Variants in VTCN1 observed in about 807,000 individuals in gnomAD.
VTCN1 encodes the protein V-set domain containing T cell activation inhibitor 1, also known as V-set domain-containing T-cell activation inhibitor 1.
In VTCN1, 26 loss-of-function variants were observed where a neutral mutation model predicts 26.5. The observed-to-expected ratio is 0.98, with a 90% CI of 0.72 to 1.36. VTCN1 has a LOEUF of 1.36. Ranked by LOEUF, VTCN1 falls within the 40% of genes most tolerant of loss-of-function variation. VTCN1 has a pLI of 0.00. For missense variants in VTCN1, 298 were observed against 337.7 expected (o/e 0.88, Z 0.92); for synonymous variants, 116 against 130.7 (o/e 0.89, Z 0.77).
At chr1:117,180,745 A>G (rs888254606) in intron 1 of VTCN1, among the ~76,000 whole-genome samples, 1 of 151,636 alleles carries the variant, frequency 6.6e-6, no homozygotes, top group Non-Finnish European at 1.5e-5. Flanking sequence ...CTGTCCATTC[A>G]CCAACTCCTC....
intron 1 of VTCN1, among the ~76,000 whole-genome samples, chr1:117,198,597 C>G (rs546866368): frequency 1.3e-5 from 2 of 152,284 alleles, no homozygotes; most frequent in African/African-American, 4.8e-5. Context: ...GCATAAGCAA[C>G]CCAGGGCTGC....
intron 1 of VTCN1, among the ~76,000 whole-genome samples, chr1:117,189,943 C>A (rs1331383158): frequency 6.6e-6 from 1 of 152,176 alleles, no homozygotes; most frequent in Non-Finnish European, 1.5e-5. Flanking sequence ...GCAGACTCAC[C>A]CACCACAAGC....
intron 1 of VTCN1, among the ~76,000 whole-genome samples, chr1:117,176,577 C>A (rs963279456): frequency 6.6e-6 from 1 of 152,292 alleles, no homozygotes; most frequent in Non-Finnish European, 1.5e-5. Context: ...CTGGGAGATA[C>A]CACATTCCTT....
chr1:117,151,446 A>G (rs1000920562), intron 4 of VTCN1, among the ~76,000 whole-genome samples: 1 of 152,204 alleles, frequency 6.6e-6, no homozygotes, highest in Admixed American at 6.5e-5. Context: ...CAAACCCTGC[A>G]CATCACAGAC....
chr1:117,144,502 G>C lies in VTCN1; in HGVS notation c.*769C>G, dbSNP rs1421723723. ...GCTTGTGATGACATAATGCCATATA[G>C]ACAAGGTGAAAGGTCCTTCCCTGGA... On this transcript the variant is annotated 3_prime_UTR_variant, in exon 6 of 6. Coordinates refer to ENST00000369458, the MANE Select transcript of VTCN1 (RefSeq NM_024626.4). 6.6e-6 allele frequency: 1 copy of C among 152,190 alleles called. No individual in the cohort carries two copies. Among genetic ancestry groups the C allele is most frequent in the Non-Finnish European group, 1.5e-5 (1 of 68,046 alleles). 9.4% of individuals were successfully genotyped at this position (152,190 alleles called of 1,614,324 possible). A position where few individuals can be genotyped will look rare whatever the true frequency, so the allele number is the denominator to read the frequency against.
At position 117,166,072 on chromosome 1, in the gene VTCN1, T is replaced by G. The variant is rs567545256; in HGVS notation, c.97+4035A>C. ...TTTTAAATTTTTGATGGTACATTACTGGATTGAGCAGACTGTTACTTCCAT... is the reference window on the plus strand; with the variant it reads ...TTTTAAATTTTTGATGGTACATTACGGGATTGAGCAGACTGTTACTTCCAT... On this transcript the variant is annotated intron_variant, in intron 2 of 5. Transcript: ENST00000369458. Among the ~76,000 whole-genome samples, 3 of 152,318 alleles carry G rather than the reference T, an allele frequency of 2.0e-5. No individual in the cohort carries two copies. The South Asian group carries it at 6.2e-4, about 32-fold the overall frequency.
At chr1:117,164,477 T>C (rs1557864618) in intron 2 of VTCN1, among the ~76,000 whole-genome samples, 4 of 152,180 alleles carry the variant, frequency 2.6e-5, no homozygotes, top group African/African-American at 9.6e-5. Flanking sequence ...GACCAGGAAA[T>C]TGTGCAGTTC....
intron 4 of VTCN1, among the ~76,000 whole-genome samples, chr1:117,151,534 C>T (rs1156958870): frequency 2.1e-4 from 29 of 141,026 alleles, no homozygotes; most frequent in Non-Finnish European, 1.0e-4. Flanking sequence ...CACTTCCTGC[C>T]TATTGGTCCA....
intron 1 of VTCN1, among the ~76,000 whole-genome samples, chr1:117,182,192 A>G (rs966299000): frequency 1.4e-4 from 22 of 152,170 alleles, no homozygotes; most frequent in Non-Finnish European, 3.1e-4. Context: ...GTACAATGTC[A>G]TATTTGTACA....
chr1:117,162,768 T>C (rs954956824), intron 2 of VTCN1, among the ~76,000 whole-genome samples: 1 of 152,158 alleles, frequency 6.6e-6, no homozygotes, highest in Non-Finnish European at 1.5e-5. Context: ...CAGCTCTGGG[T>C]TCACACAGTG....
intron 1 of VTCN1, among the ~76,000 whole-genome samples, chr1:117,202,121 C>T (rs1268338182): frequency 6.6e-6 from 1 of 152,206 alleles, no homozygotes; most frequent in African/African-American, 2.4e-5. Flanking sequence ...CTTTAAGAAG[C>T]TTCTGCCCAC....
chr1:117,192,538 T>G (rs1366245062), intron 1 of VTCN1, among the ~76,000 whole-genome samples: 2 of 152,166 alleles, frequency 1.3e-5, no homozygotes, highest in Non-Finnish European at 2.9e-5. Context: ...CACATTAAAC[T>G]GTAGTATAAA....
At chr1:117,203,951 C>T (rs10923223) in intron 1 of VTCN1, 163,255 of 210,140 alleles carry the variant, frequency 0.78, 64,459 homozygotes, top group Non-Finnish European at 0.84. Context: ...CTTTGAACAT[C>T]GAGTTTGGAT....
At chr1:117,152,292 T>C (rs1283575247) in intron 4 of VTCN1, among the ~76,000 whole-genome samples, 1 of 152,230 alleles carries the variant, frequency 6.6e-6, no homozygotes, top group Non-Finnish European at 1.5e-5. Context: ...CAAACATTTA[T>C]AGGGTACTTA....
intron 2 of VTCN1, among the ~76,000 whole-genome samples, chr1:117,164,958 GC>G (rs1329598942): frequency 9.9e-5 from 15 of 152,200 alleles, no homozygotes; most frequent in Admixed American, 2.6e-4. Flanking sequence ...GAGGAGGATG[GC>G]TATGAGAAGG....
intron 1 of VTCN1, among the ~76,000 whole-genome samples, chr1:117,172,071 C>T (rs1460270609): frequency 6.6e-6 from 1 of 152,178 alleles, no homozygotes; most frequent in African/African-American, 2.4e-5. Context: ...ACGTCCTCAG[C>T]CGCCCGCTCA....
At position 117,210,876 on chromosome 1, in the gene VTCN1, G is replaced by A. The variant is rs117000061; in HGVS notation, c.-21C>T. ...GCCATGGCTGGGGAAGGTTCCCAGC[G>A]TATCTGGGTACTGGCTGAGTGGAGC... On this transcript the variant is annotated 5_prime_UTR_variant, in exon 1 of 6. In the 5' UTR this introduces an upstream ATG that the reference lacks. Transcript: ENST00000369458. 1.7e-4 allele frequency: 278 copies of A among 1,613,904 alleles called. 1 individual carries two copies. The Middle Eastern group carries it at 1.8e-3, about 11-fold the overall frequency.
chr1:117,202,940 A>G (rs1455562787), intron 1 of VTCN1, among the ~76,000 whole-genome samples: 2 of 152,152 alleles, frequency 1.3e-5, no homozygotes, highest in Non-Finnish European at 2.9e-5. Context: ...GTTTTCTTTT[A>G]AGACAGAAAA....
intron 2 of VTCN1, among the ~76,000 whole-genome samples, chr1:117,166,992 C>T (rs1652649700): frequency 6.6e-6 from 1 of 151,136 alleles, no homozygotes; most frequent in African/African-American, 2.4e-5. Context: ...ACTCAGGAGA[C>T]TGAGGCAGAA....
Sources: gnomAD v4.1 joint callset for allele counts (sites outside exome capture counted in the v4.1 genomes callset) on GRCh38, gnomAD v4.1.1 for gene constraint, MANE v1.5 for transcripts, NCBI Gene and HGNC (gene_info 2026-07-23, HGNC 2026-07-21) for gene names.